The following SPMIP4 variants were observed in gnomAD, a reference collection of about 807,000 sequenced individuals.
SPMIP4 encodes sperm microtubule inner protein 4.
the SPMIP4 span, among the ~76,000 whole-genome samples, chr7:25,141,939 T>C: frequency 1.3e-5 from 2 of 152,104 alleles, no homozygotes; most frequent in Non-Finnish European, 2.9e-5. Flanking sequence ...AGTTTCACCA[T>C]ATTGGCCAGG....
the SPMIP4 span, among the ~76,000 whole-genome samples, chr7:25,148,507 G>T: frequency 7.1e-6 from 1 of 141,496 alleles, no homozygotes; most frequent in Non-Finnish European, 1.5e-5. Context: ...GACAGAGTCT[G>T]ACTCTCACCC....
the SPMIP4 span, among the ~76,000 whole-genome samples, chr7:25,158,211 T>C: frequency 6.6e-6 from 1 of 150,532 alleles, no homozygotes; most frequent in African/African-American, 2.4e-5. Context: ...CTACAAAAAT[T>C]ACAAAAATTA....
chr7:25,169,055 T>C, the SPMIP4 span, among the ~76,000 whole-genome samples: 3 of 151,974 alleles, frequency 2.0e-5, no homozygotes, highest in East Asian at 1.9e-4. Context: ...AACAGGTTTA[T>C]TGAGATTTAA....
At chr7:25,160,287 G>A in the SPMIP4 span, among the ~76,000 whole-genome samples, 4 of 68,554 alleles carry the variant, frequency 5.8e-5, no homozygotes, top group African/African-American at 9.0e-5. Context: ...CTATGCTGTC[G>A]TGTTTAATAT....
the SPMIP4 span, among the ~76,000 whole-genome samples, chr7:25,127,443 C>T: frequency 6.6e-6 from 1 of 152,086 alleles, no homozygotes; most frequent in African/African-American, 2.4e-5. Flanking sequence ...CTCACTAATT[C>T]TTCCTTCTGT....
At chr7:25,149,114 C>T in the SPMIP4 span, among the ~76,000 whole-genome samples, 1 of 152,200 alleles carries the variant, frequency 6.6e-6, no homozygotes, top group South Asian at 2.1e-4. Flanking sequence ...AGTTAGGCTG[C>T]AGTTCATTCT....
At chr7:25,167,572 G>A in the SPMIP4 span, among the ~76,000 whole-genome samples, 1 of 152,150 alleles carries the variant, frequency 6.6e-6, no homozygotes, top group African/African-American at 2.4e-5. Context: ...GTCATCGGCG[G>A]CACATGTCCC....
At chr7:25,139,942 G>T in the SPMIP4 span, among the ~76,000 whole-genome samples, 1 of 152,040 alleles carries the variant, frequency 6.6e-6, no homozygotes, top group Non-Finnish European at 1.5e-5. Flanking sequence ...ATTATCTTAG[G>T]TATATTTTAT....
the SPMIP4 span, among the ~76,000 whole-genome samples, chr7:25,132,076 T>C: frequency 6.6e-6 from 1 of 152,146 alleles, no homozygotes; most frequent in Non-Finnish European, 1.5e-5. This position sits in a 1 kb window ranked among gnomAD's most constrained non-coding sequence, Gnocchi z 5.0. Context: ...AGATCTCCCA[T>C]ACACAGGGAG....
chr7:25,164,850 T>C, the SPMIP4 span, among the ~76,000 whole-genome samples: 1 of 152,190 alleles, frequency 6.6e-6, no homozygotes, highest in South Asian at 2.1e-4. Flanking sequence ...ATAGCTTAGC[T>C]CCAACTTCTA....
At chr7:25,151,581 TA>T in the SPMIP4 span, 2 of 1,515,458 alleles carry the variant, frequency 1.3e-6, no homozygotes, top group Non-Finnish European at 1.8e-6. Flanking sequence ...AACACACATT[TA>T]AAAAGATACT....
the SPMIP4 span, among the ~76,000 whole-genome samples, chr7:25,164,614 A>AATT: frequency 1.3e-5 from 2 of 152,164 alleles, no homozygotes; most frequent in Non-Finnish European, 2.9e-5. Flanking sequence ...GAAGGAAGGA[A>AATT]ATTATTATTA....
the SPMIP4 span, chr7:25,136,524 A>G: frequency 6.2e-7 from 1 of 1,614,182 alleles, no homozygotes; most frequent in Non-Finnish European, 8.5e-7. The surrounding 1 kb of genome is among the most constrained non-coding windows in gnomAD (Gnocchi z 5.7). Context: ...GTTCATAGGT[A>G]GACAGCAAGC....
chr7:25,144,720 C>A, the SPMIP4 span, among the ~76,000 whole-genome samples: 2 of 152,180 alleles, frequency 1.3e-5, no homozygotes, highest in African/African-American at 4.8e-5. Context: ...AGAACTGGCC[C>A]TCTAAAGTGT....
At chr7:25,152,091 C>G in the SPMIP4 span, among the ~76,000 whole-genome samples, 2 of 151,922 alleles carry the variant, frequency 1.3e-5, no homozygotes, top group Non-Finnish European at 2.9e-5. Flanking sequence ...GTCACTAGTA[C>G]TTCACCTTTC....
chr7:25,158,977 T>C, the SPMIP4 span, among the ~76,000 whole-genome samples: 1 of 152,246 alleles, frequency 6.6e-6, no homozygotes, highest in Non-Finnish European at 1.5e-5. Context: ...TGTTGTTTCC[T>C]TATCTCAGTT....
the SPMIP4 span, among the ~76,000 whole-genome samples, chr7:25,175,059 C>G: frequency 1.3e-5 from 2 of 152,104 alleles, no homozygotes; most frequent in African/African-American, 4.8e-5. Flanking sequence ...CCCAGTAGTT[C>G]TCAATGTAAG....
chr7:25,177,236 TGATTGG>T, the SPMIP4 span, among the ~76,000 whole-genome samples: 1,213 of 152,184 alleles, frequency 8.0e-3, 32 homozygotes, highest in South Asian at 0.062. Flanking sequence ...AATTCTTAAA[TGATTGG>T]GAGGCTGAGG....
the SPMIP4 span, among the ~76,000 whole-genome samples, chr7:25,140,548 C>T: frequency 2.6e-5 from 4 of 152,000 alleles, no homozygotes; most frequent in African/African-American, 4.8e-5. Flanking sequence ...GTGGTCCACC[C>T]GCCTCAGTCT....
Sources: allele counts gnomAD v4.1 joint callset (sites outside exome capture counted in the v4.1 genomes callset), GRCh38; gene constraint gnomAD v4.1.1; non-coding constraint Gnocchi (gnomAD v3.1); transcripts MANE v1.5; gene names NCBI Gene and HGNC (gene_info 2026-07-23, HGNC 2026-07-21).